The following MUC17 variants were observed in gnomAD, a reference collection of about 807,000 sequenced individuals.
MUC17 encodes mucin-17.
In MUC17, 190 loss-of-function variants were observed where a neutral mutation model predicts 170.3. The ratio of observed to expected loss-of-function variants is 1.12; its 90% CI spans 0.99 to 1.26. MUC17 has a LOEUF of 1.26. Ranked by LOEUF, MUC17 falls within the 50% of genes most tolerant of loss-of-function variation. MUC17 has a pLI of 0.00. For missense variants in MUC17, 6,415 were observed against 5,530.0 expected (o/e 1.16, Z -5.08); for synonymous variants, 2,325 against 2,002.5 (o/e 1.16, Z -4.30).
At position 101,041,998 on chromosome 7, in the gene MUC17, C is replaced by G. The variant is rs756106246; in HGVS notation, c.10582C>G (p.Pro3528Ala). ...AACAAATATGCCTGTCAGCACCACA[C>G]CGGTGGCCAGTTCTGAGGCTAGCAC... ...PLTNMPVSTT[P>A]VASSEASTLS... The change falls in exon 3 of 13, where the codon CCG (proline) becomes GCG (alanine). Residue 3528 changes from proline to alanine, a missense_variant. Transcript: ENST00000306151. The G allele has an allele frequency of 8.1e-6, 13 of 1,612,208 alleles. No homozygotes were observed. Among genetic ancestry groups the G allele is most frequent in the Non-Finnish European group, 1.1e-5 (13 of 1,179,010 alleles).
intron 6 of MUC17, 88 bp downstream of exon 6, chr7:101,049,470 T>C: frequency 1.3e-6 from 2 of 1,505,904 alleles, no homozygotes; most frequent in Admixed American, 4.2e-5. Context: ...GCCCCCTGCA[T>C]TACTGTGCCC....
Position 101,038,026 on chromosome 7 carries a change from A to T in MUC17, c.6610A>T (p.Thr2204Ser). 1 of 1,607,058 alleles carries T rather than the reference A, an allele frequency of 6.2e-7. No individual in the cohort carries two copies. Among genetic ancestry groups the T allele is most frequent in the Non-Finnish European group, 8.5e-7 (1 of 1,176,682 alleles). The change falls in exon 3 of 13, where the codon ACT becomes TCT. Residue 2204 changes from threonine to serine, a missense_variant. Physicochemically the swap from Thr to Ser is moderately conservative, Grantham distance 58. Coordinates refer to ENST00000306151, the MANE Select transcript of MUC17 (RefSeq NM_001040105.2). ...NSTEARSSPT[T>S]SEGTSMPTST... is the part of the protein sequence containing the mutation. Reference sequence around the variant, plus strand: ...TACTGAAGCCCGTTCATCTCCTACAACTTCTGAAGGTACCAGCATGCCAAC... The same window carrying T: ...TACTGAAGCCCGTTCATCTCCTACATCTTCTGAAGGTACCAGCATGCCAAC...
At chr7:101,046,398 T>C (rs1166131194) in intron 3 of MUC17, among the ~76,000 whole-genome samples, 3 of 152,202 alleles carry the variant, frequency 2.0e-5, no homozygotes, top group Non-Finnish European at 4.4e-5. Flanking sequence ...CCAGGTTGAT[T>C]GGCACAGATA....
chr7:101,033,002 G>A lies in MUC17; in HGVS notation c.1586G>A (p.Ser529Asn). 1 of 1,614,028 alleles carries A rather than the reference G, an allele frequency of 6.2e-7. No homozygotes were observed. The highest frequency in any genetic ancestry group is 8.5e-7 in the Non-Finnish European group (1 of 1,180,014). The change falls in exon 3 of 13, where the codon AGC (serine) becomes AAC (asparagine). Residue 529 changes from serine to asparagine, a missense_variant. Coordinates refer to ENST00000306151, the MANE Select transcript of MUC17 (RefSeq NM_001040105.2). ...STMPVASSEA[S>N]TLSTTPVDTS... is the part of the protein sequence containing the mutation. ...ATGCCGGTGGCCAGTTCTGAGGCTAGCACCCTTTCAACAACTCCTGTTGAC... is the reference window on the plus strand; with the variant it reads ...ATGCCGGTGGCCAGTTCTGAGGCTAACACCCTTTCAACAACTCCTGTTGAC...
intron 10 of MUC17, 55 bp downstream of exon 10, chr7:101,053,202 T>C: frequency 6.3e-7 from 1 of 1,593,996 alleles, no homozygotes; most frequent in Non-Finnish European, 8.6e-7. Flanking sequence ...CTCCTCTTCC[T>C]CTGAACCCTC....
In MUC17 at chr7:101,032,166, T is replaced by G. The variant is rs533363722; in HGVS notation, c.750T>G (p.Ser250=). The change falls in exon 3 of 13, where the codon TCT becomes TCG. Residue 250 remains serine (S), a synonymous_variant. Transcript: ENST00000306151. ...PVEISTPVTI[S]AQASSSPTTA... ...AAATCAGCACACCTGTGACCATTTC[T>G]GCTCAAGCCAGTTCATCTCCTACAA... The G allele has an allele frequency of 3.7e-6, 6 of 1,614,028 alleles. No homozygotes were observed. In the African/African-American group the frequency reaches 6.7e-5, roughly 18 times the overall value.
chr7:101,034,330 A>G lies in MUC17; in HGVS notation c.2914A>G (p.Ser972Gly). 1 of 1,608,834 alleles carries G rather than the reference A, an allele frequency of 6.2e-7. No homozygotes were observed. Among genetic ancestry groups the G allele is most frequent in the South Asian group, 1.1e-5 (1 of 90,238 alleles). Residue 972 changes from serine (S) to glycine (G), a missense_variant, in exon 3 of 13, where the codon AGC becomes GGC. By Grantham distance (56) the Ser-to-Gly change is moderately conservative. Coordinates refer to ENST00000306151, the MANE Select transcript of MUC17 (RefSeq NM_001040105.2). ...TSSPTTAEGTSIPTSTPSEGT... is the reference protein window; with the variant it reads ...TSSPTTAEGTGIPTSTPSEGT... ...ATCTCCTACAACTGCTGAAGGTACC[A>G]GCATACCAACCTCGACTCCTAGTGA... is the stretch of plus-strand genomic sequence containing the variant.
chr7:101,050,535 A>C lies in MUC17; in HGVS notation c.12774A>C (p.Thr4258=). 1 of 1,614,166 alleles carries C rather than the reference A, an allele frequency of 6.2e-7. No homozygotes were observed. Among genetic ancestry groups the C allele is most frequent in the Non-Finnish European group, 8.5e-7 (1 of 1,180,012 alleles). Residue 4258 remains threonine (T), a synonymous_variant, in exon 7 of 13, where the codon ACA becomes ACC. Coordinates refer to ENST00000306151, the MANE Select transcript of MUC17 (RefSeq NM_001040105.2). ...EHDVLLRTKY[T]PEYKTVLDNA... ...ACGTCCTCCTAAGAACCAAGTACAC[A>C]CCAGAATACAAGACAGTATTGGACA...
intron 5 of MUC17, 60 bp from the exon 6 acceptor site, chr7:101,049,264 T>C (rs1176641052): frequency 1.9e-6 from 3 of 1,608,702 alleles, no homozygotes; most frequent in Non-Finnish European, 2.6e-6. Context: ...GACCTCCTGA[T>C]GTCCCACAGA....
chr7:101,057,844 C>A (rs559399182), intron 12 of MUC17, among the ~76,000 whole-genome samples, 159 bp from the exon 13 acceptor site: 27 of 152,244 alleles, frequency 1.8e-4, no homozygotes, highest in African/African-American at 5.1e-4. Flanking sequence ...TGTGCCACTG[C>A]ACTCCAGCCT....
At chr7:101,044,455 T>A (rs1454408837) in intron 3 of MUC17, among the ~76,000 whole-genome samples, 2 of 152,366 alleles carry the variant, frequency 1.3e-5, no homozygotes, top group South Asian at 2.1e-4. Context: ...ACTCCTAAAC[T>A]CCTTTTGCTC....
Position 101,036,929 on chromosome 7 carries a change from C to T in MUC17, c.5513C>T (p.Pro1838Leu). The T allele has an allele frequency of 1.9e-6, 3 of 1,612,782 alleles. No individual in the cohort carries two copies. The highest frequency in any genetic ancestry group is 8.5e-7 in the Non-Finnish European group (1 of 1,179,248). Residue 1838 changes from proline (P) to leucine (L), a missense_variant, in exon 3 of 13, where the codon CCT (proline) becomes CTT (leucine). By Grantham distance (98) the Pro-to-Leu change is moderately conservative. Transcript: ENST00000306151. ...LSTTPVDSNS[P>L]VVTSTAVSSS... ...ACAACTCCTGTTGACTCTAACAGTC[C>T]TGTGGTCACTTCTACAGCAGTCAGT...
rs115979127 is a variant in MUC17, at chr7:101,025,890, G to A, written c.83-5230G>A. On this transcript the variant is annotated intron_variant, in intron 1 of 12. Coordinates refer to ENST00000306151, the MANE Select transcript of MUC17 (RefSeq NM_001040105.2). ...GAAGGATTGCTTGAACCCAGGAGGC[G>A]GAGATTGCAGTGAGCCAAGACTGCA... is the stretch of plus-strand genomic sequence containing the variant. 3.6e-3 allele frequency among the ~76,000 whole-genome samples: 548 copies of A among 151,932 alleles called. 4 individuals carry two copies. Among genetic ancestry groups the A allele is most frequent in the African/African-American group, 0.012 (513 of 41,424 alleles).
chr7:101,050,659 G>T, intron 7 of MUC17, 24 bp downstream of exon 7: 2 of 1,609,670 alleles, frequency 1.2e-6, no homozygotes, highest in Non-Finnish European at 1.7e-6. Context: ...TTCCAGGGAG[G>T]GAAGGGAGAA....
chr7:101,028,033 A>G (rs1443957390), intron 1 of MUC17, among the ~76,000 whole-genome samples: 3 of 151,428 alleles, frequency 2.0e-5, no homozygotes, highest in African/African-American at 7.3e-5. Flanking sequence ...TGGGCTTCCC[A>G]AAGTGCTGGG....
At chr7:101,049,484 C>T in intron 6 of MUC17, 102 bp downstream of exon 6, 14 of 1,449,010 alleles carry the variant, frequency 9.7e-6, no homozygotes, top group Non-Finnish European at 1.3e-5. Context: ...TGTGCCCAGG[C>T]AGCTATTGCA....
Position 101,037,950 on chromosome 7 carries a change from C to T in MUC17, c.6534C>T (p.Ile2178=), listed in dbSNP as rs1411433747. The T allele has an allele frequency of 1.2e-6, 2 of 1,607,044 alleles. No individual in the cohort carries two copies. Among genetic ancestry groups the T allele is most frequent in the Non-Finnish European group, 1.7e-6 (2 of 1,176,974 alleles). ...VSTTVVASSA[I]STLSTTPVDT... ...CCACAGTGGTGGCCAGTTCTGCAAT[C>T]AGCACCCTTTCAACAACTCCTGTTG... is the stretch of plus-strand genomic sequence containing the variant. The change falls in exon 3 of 13, where the codon ATC becomes ATT. Residue 2178 remains isoleucine (I), a synonymous_variant. Coordinates refer to ENST00000306151, the MANE Select transcript of MUC17 (RefSeq NM_001040105.2).
Position 101,041,675 on chromosome 7 carries a change from C to T in MUC17, c.10259C>T (p.Ser3420Leu), listed in dbSNP as rs542719469. Residue 3420 changes from serine to leucine, a missense_variant, in exon 3 of 13, where the codon TCA (serine) becomes TTA (leucine). Physicochemically the swap from Ser to Leu is moderately radical, Grantham distance 145. Coordinates refer to ENST00000306151, the MANE Select transcript of MUC17 (RefSeq NM_001040105.2). ...PVVSSEVNTLSTTPVDSNTLV... is the reference protein window; with the variant it reads ...PVVSSEVNTLLTTPVDSNTLV... ...GTCAGTTCTGAGGTTAACACCCTTT[C>T]AACAACTCCTGTGGACTCCAACACT... 1.2e-6 allele frequency: 2 copies of T among 1,613,990 alleles called. No individual in the cohort carries two copies. The highest frequency in any genetic ancestry group is 2.2e-5 in the South Asian group (2 of 91,058).
rs1795098271 is a variant in MUC17 at position 101,058,832 on chromosome 7, A to G, written c.*788A>G. 1.3e-5 allele frequency: 2 copies of G among 152,168 alleles called. No homozygotes were observed. The highest frequency in any genetic ancestry group is 4.2e-4 in the South Asian group (2 of 4,808). 9.4% of individuals were successfully genotyped at this position (152,168 alleles called of 1,614,324 possible). A position where few individuals can be genotyped will look rare whatever the true frequency, so the allele number is the denominator to read the frequency against. The stretch of plus-strand genomic sequence containing the variant: ...ATAATATATATTTGTAGTAACTAAA[A>G]ATAATAAAGCAATTTTATTACAATT... On this transcript the variant is annotated 3_prime_UTR_variant, in exon 13 of 13. Transcript: ENST00000306151.
Sources: gnomAD v4.1 joint callset for allele counts (sites outside exome capture counted in the v4.1 genomes callset) on GRCh38, gnomAD v4.1.1 for gene constraint, MANE v1.5 for transcripts, NCBI Gene and HGNC (gene_info 2026-07-23, HGNC 2026-07-21) for gene names.